The following SLC4A4 variants were observed in gnomAD, a reference collection of about 807,000 sequenced individuals.
SLC4A4 encodes the protein solute carrier family 4 member 4.
In SLC4A4, 27 loss-of-function variants were observed where a neutral mutation model predicts 111.5. That is an observed-to-expected ratio of 0.24 (90% confidence interval 0.18 to 0.33). The LOEUF is 0.33. Ranked by LOEUF, SLC4A4 falls within the 10% of genes least tolerant of loss-of-function variation. SLC4A4 has a pLI of 1.00. For missense variants in SLC4A4, 909 were observed against 1,315.5 expected, an observed-to-expected ratio of 0.69 and a Z score of 4.78; for synonymous variants, 443 against 463.4, an observed-to-expected ratio of 0.96 and a Z score of 0.57.
At chr4:71,486,084 CTA>C (rs1326785307) in intron 14 of SLC4A4, among the ~76,000 whole-genome samples, 1 of 151,418 alleles carries the variant, frequency 6.6e-6, no homozygotes, top group East Asian at 2.0e-4. Flanking sequence ...GTTAAATAAA[CTA>C]TGGGACCCTA....
chr4:71,301,033 A>T, intron 3 of SLC4A4: 1 of 430,912 alleles, frequency 2.3e-6, no homozygotes, highest in Non-Finnish European at 4.7e-6. Context: ...GCCCACTAGA[A>T]GGGAGAAGGT....
chr4:71,255,681 T>C (rs1431077557), intron 3 of SLC4A4, among the ~76,000 whole-genome samples: 2 of 152,308 alleles, frequency 1.3e-5, no homozygotes, highest in East Asian at 3.9e-4. Context: ...GTATTGCAGA[T>C]GGTATTTAAC....
At chr4:71,146,803 A>C (rs531423643) in intron 2 of SLC4A4, among the ~76,000 whole-genome samples, 1 of 152,228 alleles carries the variant, frequency 6.6e-6, no homozygotes, top group Non-Finnish European at 1.5e-5. Context: ...TGTAACGACC[A>C]TCAAGGCTAG....
At chr4:71,103,022 A>C (rs1742805064) in intron 2 of SLC4A4, among the ~76,000 whole-genome samples, 1 of 150,260 alleles carries the variant, frequency 6.7e-6, no homozygotes, top group African/African-American at 2.4e-5. Flanking sequence ...TATTCAGGAA[A>C]CCCATCTCAC....
At chr4:71,335,920 A>T (rs1265689225) in intron 3 of SLC4A4, among the ~76,000 whole-genome samples, 3 of 152,058 alleles carry the variant, frequency 2.0e-5, no homozygotes, top group Non-Finnish European at 4.4e-5. Flanking sequence ...TTCTGCATAC[A>T]TTTATATTTA....
At position 71,522,441 on chromosome 4, in the gene SLC4A4, G is replaced by T. The variant is rs555760690; in HGVS notation, c.2167-9621G>T. On this transcript the variant is annotated intron_variant, in intron 16 of 25. Transcript: ENST00000264485. ...AAATGAAAACCATAGCTTAAAAATA[G>T]AGCAGGATTGGGGTTAGTAGAAATC... Among the ~76,000 whole-genome samples the T allele has an allele frequency of 3.5e-3, 533 of 152,324 alleles. 5 individuals are homozygous for T. Among genetic ancestry groups the T allele is most frequent in the African/African-American group, 0.012 (511 of 41,580 alleles).
chr4:71,292,928 G>A (rs1724486039), intron 3 of SLC4A4, among the ~76,000 whole-genome samples: 1 of 137,514 alleles, frequency 7.3e-6, no homozygotes, highest in Non-Finnish European at 1.5e-5. Context: ...TGCAACCTCT[G>A]CCCTCTGAGT....
chr4:71,467,064 C>G (rs2149100199), intron 13 of SLC4A4, among the ~76,000 whole-genome samples: 1 of 151,732 alleles, frequency 6.6e-6, no homozygotes, highest in Non-Finnish European at 1.5e-5. Flanking sequence ...GGACTTTAGC[C>G]CCTGTCAAGT....
intron 16 of SLC4A4, among the ~76,000 whole-genome samples, chr4:71,501,503 T>A (rs569702848): frequency 1.3e-5 from 2 of 151,622 alleles, no homozygotes; most frequent in South Asian, 2.1e-4. Flanking sequence ...TCTCTTAGAG[T>A]TTTTTTTATT....
intron 7 of SLC4A4, among the ~76,000 whole-genome samples, chr4:71,426,845 C>G (rs1415410791): frequency 6.6e-6 from 1 of 152,068 alleles, no homozygotes; most frequent in African/African-American, 2.4e-5. Context: ...ATTCCTATAA[C>G]TTCTAATCTT....
At chr4:71,290,679 G>GT (rs1201825435) in intron 3 of SLC4A4, among the ~76,000 whole-genome samples, 1 of 152,202 alleles carries the variant, frequency 6.6e-6, no homozygotes, top group Non-Finnish European at 1.5e-5. Flanking sequence ...AAGGGAAATG[G>GT]TGAGGTCACT....
chr4:71,075,628 C>A (rs1445630215), intron 1 of SLC4A4, among the ~76,000 whole-genome samples: 1 of 152,188 alleles, frequency 6.6e-6, no homozygotes, highest in Admixed American at 6.5e-5. Flanking sequence ...CACTCCAGCT[C>A]TTCCTTCAGG....
chr4:71,116,973 GTTTA>G (rs1216564144), intron 2 of SLC4A4, among the ~76,000 whole-genome samples: 2 of 151,504 alleles, frequency 1.3e-5, no homozygotes, highest in African/African-American at 2.4e-5. Flanking sequence ...TGTAAAAATT[GTTTA>G]TTTATTTATT....
intron 6 of SLC4A4, among the ~76,000 whole-genome samples, chr4:71,379,807 C>T (rs1436674681): frequency 1.3e-5 from 2 of 151,912 alleles, no homozygotes; most frequent in East Asian, 3.9e-4. Context: ...ATCTAGATTT[C>T]TTTATTTGTA....
At chr4:71,444,156 G>A (rs184480840) in intron 8 of SLC4A4, among the ~76,000 whole-genome samples, 17 of 152,264 alleles carry the variant, frequency 1.1e-4, no homozygotes, top group Admixed American at 2.6e-4. Context: ...TATCTTTTCC[G>A]AAAACATCAA....
At chr4:71,378,059 G>A (rs1350816258) in intron 6 of SLC4A4, among the ~76,000 whole-genome samples, 1 of 152,048 alleles carries the variant, frequency 6.6e-6, no homozygotes. Flanking sequence ...AATAGCACAG[G>A]AGAGACCAGT....
At chr4:71,450,297 G>A (rs1725640127) in intron 9 of SLC4A4, 92 bp from the exon 10 acceptor site, 2 of 914,756 alleles carry the variant, frequency 2.2e-6, no homozygotes, top group Non-Finnish European at 3.7e-6. Context: ...TAATAGCACA[G>A]TTGTTATGGG....
chr4:71,439,484 C>CCCAGCACCT (rs1348707585), intron 7 of SLC4A4, among the ~76,000 whole-genome samples: 1 of 107,272 alleles, frequency 9.3e-6, no homozygotes, highest in Non-Finnish European at 2.1e-5. Context: ...AAAGAAAATC[C>CCCAGCACCT]CCAGCACCTC....
intron 6 of SLC4A4, among the ~76,000 whole-genome samples, chr4:71,370,716 T>C (rs950210278): frequency 6.6e-6 from 1 of 152,244 alleles, no homozygotes; most frequent in Non-Finnish European, 1.5e-5. Flanking sequence ...AAAGTTCTTA[T>C]AGAAATTGCT....
Sources: allele counts gnomAD v4.1 joint callset (sites outside exome capture counted in the v4.1 genomes callset), GRCh38; gene constraint gnomAD v4.1.1; transcripts MANE v1.5; gene names NCBI Gene and HGNC (gene_info 2026-07-23, HGNC 2026-07-21).